Variants in ICA1 observed in about 807,000 individuals in gnomAD.
ICA1 encodes 69 kDa islet cell autoantigen.
A neutral mutation model predicts 71.0 loss-of-function variants in ICA1; 40 were observed. The observed-to-expected ratio is 0.56, with a 90% CI of 0.44 to 0.73. The LOEUF is 0.73. ICA1 is among the 30% of genes least tolerant of loss of function. The pLI, the probability that ICA1 is intolerant of heterozygous loss-of-function variation, is 0.00. For synonymous variants in ICA1, 207 were observed against 209.5 expected (o/e 0.99, Z 0.10); for missense variants, 578 against 576.5 (o/e 1.00, Z -0.03).
intron 13 of ICA1, among the ~76,000 whole-genome samples, chr7:8,117,219 AC>A (rs772364383): frequency 3.3e-5 from 5 of 152,220 alleles, no homozygotes; most frequent in Admixed American, 2.6e-4. Flanking sequence ...AGTCACTTAA[AC>A]CCCTTTCCTT....
chr7:8,164,357 T>C (rs1805096856), intron 6 of ICA1, among the ~76,000 whole-genome samples: 1 of 146,366 alleles, frequency 6.8e-6, no homozygotes, highest in South Asian at 2.2e-4. Flanking sequence ...AGAGGAAAGA[T>C]GTTAGTAGTT....
At chr7:8,148,498 T>C (rs562633019) in intron 8 of ICA1, among the ~76,000 whole-genome samples, 6 of 152,330 alleles carry the variant, frequency 3.9e-5, no homozygotes, top group African/African-American at 1.2e-4. Flanking sequence ...AGCTTGGTGA[T>C]GTTTTTGTGA....
In ICA1 at chr7:8,226,866, C is replaced by A. The variant is rs1331284390; in HGVS notation, c.256+1735G>T. On this transcript the variant is annotated intron_variant, in intron 4 of 13. Transcript: ENST00000402384. This position sits in a 1 kb window ranked among gnomAD's most constrained non-coding sequence, Gnocchi z 4.4. ...TTCAACTATAATTCTATTAACTAAT[C>A]TGAGGTGGTTTAGGGGGAAGTTTTT... 6.6e-6 allele frequency among the ~76,000 whole-genome samples: 1 copy of A among 152,114 alleles called. No individual in the cohort carries two copies. Among genetic ancestry groups the A allele is most frequent in the Non-Finnish European group, 1.5e-5 (1 of 68,022 alleles).
In ICA1 at chr7:8,246,117, G is replaced by T. The variant is rs1805904495; in HGVS notation, c.-79-10112C>A. Among the ~76,000 whole-genome samples the T allele has an allele frequency of 2.6e-5, 4 of 152,182 alleles. No individual in the cohort carries two copies. The South Asian group carries it at 8.3e-4, about 32-fold the overall frequency. On this transcript the variant is annotated intron_variant, in intron 1 of 13. Coordinates refer to ENST00000402384, the MANE Select transcript of ICA1 (RefSeq NM_001136020.3). ...TCCAGCTTTTTAATGACACAGAAAA[G>T]ATGTCCTAAAGATCTGCTTGTGGTC...
intron 1 of ICA1, among the ~76,000 whole-genome samples, chr7:8,245,183 G>C (rs936531538): frequency 6.6e-6 from 1 of 152,110 alleles, no homozygotes; most frequent in Admixed American, 6.5e-5. Flanking sequence ...ATGGTAGAGC[G>C]GATTAAGAAA....
At chr7:8,205,422 T>G (rs1283542001) in intron 6 of ICA1, among the ~76,000 whole-genome samples, 2 of 152,232 alleles carry the variant, frequency 1.3e-5, no homozygotes, top group African/African-American at 4.8e-5. Context: ...ACATCCTCTG[T>G]GTTCCCAGTC....
chr7:8,140,480 CAT>C (rs1185648909), intron 10 of ICA1, among the ~76,000 whole-genome samples: 2 of 152,218 alleles, frequency 1.3e-5, no homozygotes, highest in Non-Finnish European at 2.9e-5. Context: ...CTCTCCATCA[CAT>C]GTGCCCAAAG....
intron 6 of ICA1, among the ~76,000 whole-genome samples, chr7:8,166,825 A>C (rs1299383194): frequency 6.6e-6 from 1 of 152,228 alleles, no homozygotes; most frequent in Non-Finnish European, 1.5e-5. Flanking sequence ...AAAACAGGCC[A>C]AAACCATAAA....
intron 6 of ICA1, among the ~76,000 whole-genome samples, chr7:8,171,843 T>G (rs190188920): frequency 5.3e-5 from 8 of 152,106 alleles, no homozygotes; most frequent in Admixed American, 4.6e-4. Flanking sequence ...CTGATTTCCC[T>G]CGTGACATCT....
chr7:8,237,915 G>T (rs537560210), intron 1 of ICA1, among the ~76,000 whole-genome samples: 8 of 151,910 alleles, frequency 5.3e-5, no homozygotes, highest in Non-Finnish European at 2.9e-5. Context: ...CTTGGCTATT[G>T]GGAATAATGC....
chr7:8,157,287 ACT>A (rs1291037292), intron 7 of ICA1, 73 bp from the exon 8 acceptor site: 83 of 1,351,692 alleles, frequency 6.1e-5, no homozygotes, highest in Middle Eastern at 5.3e-4. Flanking sequence ...GGGAAGTATG[ACT>A]CTCTGTAGCT....
intron 6 of ICA1, among the ~76,000 whole-genome samples, chr7:8,190,880 T>C (rs1373051086): frequency 6.6e-6 from 1 of 152,250 alleles, no homozygotes; most frequent in East Asian, 1.9e-4. Context: ...TTTGCTTCCA[T>C]GAGCCTTGCT....
In ICA1 at chr7:8,228,630, G is replaced by A; in HGVS notation, c.227C>T (p.Ala76Val). ...IQRTCLDLSK[A>V]IVLYQKRICF... ...TATCCTCTTTTGATAGAGTACAATT[G>A]CTTTCGATAAGTCCAGACAGGTTCT... Residue 76 changes from alanine (A) to valine (V), a missense_variant, in exon 4 of 14, where the codon GCA becomes GTA. By Grantham distance (64) the Ala-to-Val change is moderately conservative. Transcript: ENST00000402384. The A allele has an allele frequency of 6.3e-7, 1 of 1,599,940 alleles. No homozygotes were observed. Among genetic ancestry groups the A allele is most frequent in the Non-Finnish European group, 8.5e-7 (1 of 1,172,544 alleles).
chr7:8,246,671 G>A (rs576826235), intron 1 of ICA1, among the ~76,000 whole-genome samples: 2 of 152,328 alleles, frequency 1.3e-5, no homozygotes, highest in South Asian at 2.1e-4. Context: ...GGGAAGAATT[G>A]AGAGAACAGT....
At chr7:8,236,100 A>G in intron 1 of ICA1, 95 bp from the exon 2 acceptor site, 1 of 657,162 alleles carries the variant, frequency 1.5e-6, no homozygotes, top group Non-Finnish European at 2.6e-6. Flanking sequence ...AGCCATTTCT[A>G]GCTGTATTTT....
At chr7:8,196,633 C>T (rs999189724) in intron 6 of ICA1, among the ~76,000 whole-genome samples, 7 of 152,056 alleles carry the variant, frequency 4.6e-5, no homozygotes, top group South Asian at 2.1e-4. Context: ...GGTTGGGAAG[C>T]GGGGAGTGAG....
chr7:8,192,446 C>G (rs1786009035), intron 6 of ICA1, among the ~76,000 whole-genome samples: 1 of 152,200 alleles, frequency 6.6e-6, no homozygotes, highest in Non-Finnish European at 1.5e-5. Context: ...GTGGCACATG[C>G]TGTTGGTTAG....
At chr7:8,117,283 G>A (rs777781940) in intron 13 of ICA1, among the ~76,000 whole-genome samples, 6 of 152,060 alleles carry the variant, frequency 3.9e-5, no homozygotes, top group Non-Finnish European at 8.8e-5. Flanking sequence ...GTGTGAAAAC[G>A]GCCTAATACA....
chr7:8,114,256 T>C lies in ICA1; in HGVS notation c.1331-212A>G, dbSNP rs141716095. ...AAACCAGGGCCTGAAGCTCCGAGAA[T>C]AACAAGCTCTTGTGTTAACAAACTC... On this transcript the variant is annotated intron_variant, in intron 13 of 13. Coordinates refer to ENST00000402384, the MANE Select transcript of ICA1 (RefSeq NM_001136020.3). 580 of 557,330 alleles carry C rather than the reference T, an allele frequency of 1.0e-3. 5 individuals carry two copies. Among genetic ancestry groups the C allele is most frequent in the African/African-American group, 9.8e-3 (521 of 53,008 alleles). The allele number at this position is 557,330 out of a possible 1,614,324, so 34.5% of individuals were successfully genotyped here.
Sources: allele counts gnomAD v4.1 joint callset (sites outside exome capture counted in the v4.1 genomes callset), GRCh38; gene constraint gnomAD v4.1.1; non-coding constraint Gnocchi (gnomAD v3.1); transcripts MANE v1.5; gene names NCBI Gene and HGNC (gene_info 2026-07-23, HGNC 2026-07-21).